HS6ST3: variants seen among roughly 807,000 people sequenced by gnomAD.
HS6ST3 encodes the protein heparan-sulfate 6-O-sulfotransferase 3.
HS6ST3 carries 12 observed loss-of-function variants against 36.7 expected under a neutral mutation model. The observed-to-expected ratio is 0.33, with a 90% confidence interval of 0.21 to 0.53. The LOEUF is 0.53. HS6ST3 is among the 20% of genes least tolerant of loss of function. The pLI is 0.95. For missense variants in HS6ST3, 584 were observed against 640.9 expected, an observed-to-expected ratio of 0.91 and a Z score of 0.96; for synonymous variants, 240 against 257.5, an observed-to-expected ratio of 0.93 and a Z score of 0.65.
At chr13:96,309,694 T>C (rs2054930940) in intron 1 of HS6ST3, among the ~76,000 whole-genome samples, 1 of 152,170 alleles carries the variant, frequency 6.6e-6, no homozygotes, top group Admixed American at 6.5e-5. Flanking sequence ...TGGCAAAAAG[T>C]CCAGATTTTG....
At position 96,615,861 on chromosome 13, in the gene HS6ST3, G is replaced by A. The variant is rs186141941; in HGVS notation, c.708-216629G>A. 3.9e-5 allele frequency among the ~76,000 whole-genome samples: 6 copies of A among 152,276 alleles called. No individual in the cohort carries two copies. The East Asian group carries it at 9.7e-4, about 25-fold the overall frequency. On this transcript the variant is annotated intron_variant, in intron 1 of 1. Transcript: ENST00000376705. ...GTACCTTTTGTTATATGTGACCTGA[G>A]TTTACTCTGGGAAAGCAGTTGCTCC...
At chr13:96,523,697 A>G (rs1231254204) in intron 1 of HS6ST3, among the ~76,000 whole-genome samples, 2 of 151,872 alleles carry the variant, frequency 1.3e-5, no homozygotes, top group Non-Finnish European at 2.9e-5. Flanking sequence ...AAGTTCTTGT[A>G]CTGTGTTTTT....
chr13:96,187,702 CAT>C (rs1006843667), intron 1 of HS6ST3, among the ~76,000 whole-genome samples: 1 of 152,282 alleles, frequency 6.6e-6, no homozygotes. Context: ...AACATCCTGA[CAT>C]GTCATGGACT....
intron 1 of HS6ST3, among the ~76,000 whole-genome samples, chr13:96,650,015 A>T (rs901589133): frequency 6.6e-6 from 1 of 151,406 alleles, no homozygotes; most frequent in Non-Finnish European, 1.5e-5. Flanking sequence ...TTCCCTAAAG[A>T]CTCACTTGGC....
At chr13:96,354,124 A>G (rs2055198106) in intron 1 of HS6ST3, among the ~76,000 whole-genome samples, 1 of 152,218 alleles carries the variant, frequency 6.6e-6, no homozygotes, top group South Asian at 2.1e-4. Context: ...AAAATTGTCA[A>G]CCATATGGAA....
At chr13:96,481,388 T>C (rs1329080940) in intron 1 of HS6ST3, among the ~76,000 whole-genome samples, 2 of 152,188 alleles carry the variant, frequency 1.3e-5, no homozygotes, top group Non-Finnish European at 2.9e-5. Context: ...GTGTTCCTTT[T>C]AGTGGGGATC....
At chr13:96,177,778 AAAAT>A (rs139436398) in intron 1 of HS6ST3, among the ~76,000 whole-genome samples, 139,275 of 151,018 alleles carry the variant, frequency 0.92, 64,350 homozygotes, top group African/African-American at 0.94. Flanking sequence ...ATAAAAGTTA[AAAAT>A]AAATAAATAA....
intron 1 of HS6ST3, among the ~76,000 whole-genome samples, chr13:96,325,427 A>T (rs921056114): frequency 2.0e-5 from 3 of 152,194 alleles, no homozygotes; most frequent in Non-Finnish European, 1.5e-5. Context: ...ATAAACAATT[A>T]AAAATAACAA....
At chr13:96,405,556 C>T (rs1238586264) in intron 1 of HS6ST3, among the ~76,000 whole-genome samples, 1 of 152,170 alleles carries the variant, frequency 6.6e-6, no homozygotes, top group African/African-American at 2.4e-5. Context: ...AGCTTTCTAT[C>T]TGACATGAGT....
rs534908316 is a variant in HS6ST3, at chr13:96,101,438, C to T, written c.707+9869C>T. On this transcript the variant is annotated intron_variant, in intron 1 of 1. Transcript: ENST00000376705. ...TAAAGGACTTTTGAAGCAATATTTC[C>T]GCATTTATTTTGGGGGAATGTGATA... Among the ~76,000 whole-genome samples the T allele has an allele frequency of 2.5e-4, 38 of 151,888 alleles. 1 individual carries two copies. In the South Asian group the frequency reaches 6.5e-3, roughly 26 times the overall value.
chr13:96,259,576 C>T (rs1194681831), intron 1 of HS6ST3, among the ~76,000 whole-genome samples: 1 of 152,132 alleles, frequency 6.6e-6, no homozygotes, highest in East Asian at 1.9e-4. Context: ...CCGTGGAAAA[C>T]ATTTTGTATT....
At chr13:96,720,117 C>G (rs920612921) in intron 1 of HS6ST3, among the ~76,000 whole-genome samples, 2 of 152,168 alleles carry the variant, frequency 1.3e-5, no homozygotes, top group African/African-American at 4.8e-5. Flanking sequence ...ACACTGAAGA[C>G]AGTAATTAAA....
At chr13:96,225,863 A>G (rs750100582) in intron 1 of HS6ST3, among the ~76,000 whole-genome samples, 2 of 152,216 alleles carry the variant, frequency 1.3e-5, no homozygotes, top group African/African-American at 4.8e-5. Context: ...AATGTAAAAG[A>G]GTGAATAGAA....
intron 1 of HS6ST3, among the ~76,000 whole-genome samples, chr13:96,810,456 G>A (rs1047617246): frequency 6.6e-6 from 1 of 152,170 alleles, no homozygotes; most frequent in African/African-American, 2.4e-5. Context: ...GTTGAGAACC[G>A]CTGACCTTTA....
At chr13:96,171,563 A>G (rs2054187913) in intron 1 of HS6ST3, among the ~76,000 whole-genome samples, 1 of 152,170 alleles carries the variant, frequency 6.6e-6, no homozygotes, top group South Asian at 2.1e-4. Context: ...TTTGTAGCAA[A>G]TTATAAGTTT....
chr13:96,785,917 T>C (rs557650036), intron 1 of HS6ST3, among the ~76,000 whole-genome samples: 1 of 152,316 alleles, frequency 6.6e-6, no homozygotes, highest in South Asian at 2.1e-4. Flanking sequence ...TTTCTAAAGA[T>C]GACATTGGTA....
intron 1 of HS6ST3, among the ~76,000 whole-genome samples, chr13:96,405,013 G>A (rs1019692118): frequency 1.3e-5 from 2 of 152,116 alleles, no homozygotes; most frequent in Non-Finnish European, 2.9e-5. Context: ...GCCACCATCC[G>A]CATTAAGATG....
rs1342731263 is a variant in HS6ST3, at chr13:96,832,808, G to A, written c.1026G>A (p.Lys342=). The change falls in exon 2 of 2, where the codon AAG becomes AAA. Residue 342 remains lysine (K), a synonymous_variant. Transcript: ENST00000376705. ...ERNTILLQSA[K]NNLKNMAFFG... ...ACACCATCCTGTTGCAGAGTGCAAAGAACAACCTGAAGAACATGGCCTTCT... is the reference window on the plus strand; with the variant it reads ...ACACCATCCTGTTGCAGAGTGCAAAAAACAACCTGAAGAACATGGCCTTCT... 2 of 1,614,192 alleles carry A rather than the reference G, an allele frequency of 1.2e-6. No individual in the cohort carries two copies. Among genetic ancestry groups the A allele is most frequent in the Admixed American group, 1.7e-5 (1 of 60,016 alleles).
At chr13:96,558,836 A>G (rs546388621) in intron 1 of HS6ST3, among the ~76,000 whole-genome samples, 2 of 152,244 alleles carry the variant, frequency 1.3e-5, no homozygotes, top group Non-Finnish European at 2.9e-5. Flanking sequence ...TACTCTTATT[A>G]TTTATTTTTC....
Sources: allele counts gnomAD v4.1 joint callset (sites outside exome capture counted in the v4.1 genomes callset), GRCh38; gene constraint gnomAD v4.1.1; transcripts MANE v1.5; gene names NCBI Gene and HGNC (gene_info 2026-07-23, HGNC 2026-07-21).